KIFC1: variants seen among roughly 807,000 people sequenced by gnomAD.
The protein encoded by KIFC1 is kinesin family member C1.
Under a neutral mutation model 66.6 loss-of-function variants are expected in KIFC1, and 37 were observed. The ratio of observed to expected loss-of-function variants is 0.56; its 90% CI spans 0.43 to 0.73. KIFC1 has a LOEUF of 0.73. KIFC1 is among the 30% of genes least tolerant of loss of function. KIFC1 has a pLI of 0.00. For missense variants in KIFC1, 721 were observed against 859.8 expected, an observed-to-expected ratio of 0.84 and a Z score of 2.02; for synonymous variants, 325 against 343.5, an observed-to-expected ratio of 0.95 and a Z score of 0.60.
At position 33,391,992 on chromosome 6, in the gene KIFC1, C is replaced by A. The variant is rs1399208164; in HGVS notation, c.7C>A (p.Pro3Thr). Residue 3 changes from proline to threonine, a missense_variant, in exon 1 of 11, where the codon CCG (proline) becomes ACG (threonine). Transcript: ENST00000428849. MD[P>T]QRSPLLEVKG... ...GTGTGGGACCGAGGTGGACATGGAT[C>A]CGCAGGTGAGTAGGGGCGGCGCAGG... 1.9e-6 allele frequency: 3 copies of A among 1,613,850 alleles called. No homozygotes were observed. Among genetic ancestry groups the A allele is most frequent in the Non-Finnish European group, 2.5e-6 (3 of 1,179,956 alleles).
chr6:33,399,935 A>G (rs1775291367), intron 3 of KIFC1: 1 of 565,166 alleles, frequency 1.8e-6, no homozygotes, highest in Non-Finnish European at 3.1e-6. Flanking sequence ...TAACTATTTT[A>G]CTTTATAAAC....
intron 3 of KIFC1, among the ~76,000 whole-genome samples, chr6:33,399,553 C>T (rs543183050): frequency 5.4e-4 from 82 of 152,294 alleles, no homozygotes; most frequent in African/African-American, 1.8e-3. Context: ...TGCTACACAC[C>T]TAGGCTATCT....
In KIFC1 at chr6:33,405,418, C is replaced by T; in HGVS notation, c.1323C>T (p.Leu441=). The T allele has an allele frequency of 6.2e-7, 1 of 1,604,918 alleles. No homozygotes were observed. The highest frequency in any genetic ancestry group is 1.1e-5 in the South Asian group (1 of 90,120). ...EGLIPRALRH[L]FSVAQELSGQ... ...TGATCCCTCGGGCCCTGCGGCACCT[C>T]TTCTCTGTGGCTCAGGAGCTGAGTG... Residue 441 remains leucine, a synonymous_variant, in exon 7 of 11, where the codon CTC becomes CTT. Coordinates refer to ENST00000428849, the MANE Select transcript of KIFC1 (RefSeq NM_002263.4). This position sits in a 1 kb window ranked among gnomAD's most constrained non-coding sequence, Gnocchi z 5.4.
intron 3 of KIFC1, among the ~76,000 whole-genome samples, chr6:33,399,907 A>G (rs780807359): frequency 3.9e-5 from 6 of 152,246 alleles, no homozygotes; most frequent in Non-Finnish European, 8.8e-5. Flanking sequence ...TTTATAATAA[A>G]TTAACCTTAG....
rs1410650830 is a variant in KIFC1 at position 33,404,060 on chromosome 6, G to A, written c.687G>A (p.Glu229=). ...RLSTQEGLVQ[E]LQKKQVELQE... ...GCACGCAGGAGGGCTTGGTGCAAGA[G>A]CTTCAGAAAAAACAGGTGGAATTGC... Residue 229 remains glutamate, a synonymous_variant, in exon 6 of 11, where the codon GAG becomes GAA. Coordinates refer to ENST00000428849, the MANE Select transcript of KIFC1 (RefSeq NM_002263.4). The surrounding 1 kb of genome is among the most constrained non-coding windows in gnomAD (Gnocchi z 4.0). The A allele has an allele frequency of 6.2e-7, 1 of 1,613,980 alleles. No individual in the cohort carries two copies. Among genetic ancestry groups the A allele is most frequent in the African/African-American group, 1.3e-5 (1 of 74,912 alleles).
In KIFC1 at chr6:33,404,951, C is replaced by G. The variant is rs562615563; in HGVS notation, c.856C>G (p.Arg286Gly). The G allele has an allele frequency of 2.5e-6, 4 of 1,613,956 alleles. No homozygotes were observed. The African/African-American group carries it at 4.0e-5, about 16-fold the overall frequency. Residue 286 changes from arginine (R) to glycine (G), a missense_variant, in exon 7 of 11, where the codon CGG becomes GGG. Arg to Gly is a moderately radical substitution (Grantham distance 125). Coordinates refer to ENST00000428849, the MANE Select transcript of KIFC1 (RefSeq NM_002263.4). This position sits in a 1 kb window ranked among gnomAD's most constrained non-coding sequence, Gnocchi z 4.0. ...TVAQAALLTE[R>G]EERLHGLEME... ...GGCCCAGGCAGCCTTACTGACTGAG[C>G]GGGAAGAACGTCTTCATGGGCTAGA...
intron 10 of KIFC1, among the ~76,000 whole-genome samples, chr6:33,408,753 G>A (rs1775763701): frequency 6.6e-6 from 1 of 152,130 alleles, no homozygotes; most frequent in Non-Finnish European, 1.5e-5. Flanking sequence ...TGCCCAGACT[G>A]GAATTCAGTG....
rs1359690642 is a variant in KIFC1, at chr6:33,401,503, A to T, written c.251-1811A>T. ...TCCAAGAAATAAGCTTAAATTTGAA[A>T]AATTTTAAATATTATTTTGCTTTTC... On this transcript the variant is annotated intron_variant, in intron 3 of 10. Transcript: ENST00000428849. This position sits in a 1 kb window ranked among gnomAD's most constrained non-coding sequence, Gnocchi z 4.5. Among the ~76,000 whole-genome samples, 1 of 152,188 alleles carries T rather than the reference A, an allele frequency of 6.6e-6. No homozygotes were observed. The highest frequency in any genetic ancestry group is 1.5e-5 in the Non-Finnish European group (1 of 68,028).
At position 33,401,738 on chromosome 6, in the gene KIFC1, G is replaced by A. The variant is rs1775384770; in HGVS notation, c.251-1576G>A. Among the ~76,000 whole-genome samples, 1 of 147,022 alleles carries A rather than the reference G, an allele frequency of 6.8e-6. No individual in the cohort carries two copies. The highest frequency in any genetic ancestry group is 6.8e-5 in the Admixed American group (1 of 14,618). On this transcript the variant is annotated intron_variant, in intron 3 of 10. Transcript: ENST00000428849. The surrounding 1 kb of genome is among the most constrained non-coding windows in gnomAD (Gnocchi z 4.5). Reference sequence around the variant, plus strand: ...TTTTTTTGAGACGGAGTCTCGCACTGTCGCCCAGGCTAGAGTGCAGTGGCA... The same window carrying A: ...TTTTTTTGAGACGGAGTCTCGCACTATCGCCCAGGCTAGAGTGCAGTGGCA...
Position 33,391,833 on chromosome 6 carries a change from A to G in KIFC1, c.-153A>G. 1 of 867,040 alleles carries G rather than the reference A, an allele frequency of 1.2e-6. No homozygotes were observed. Among genetic ancestry groups the G allele is most frequent in the Non-Finnish European group, 1.8e-6 (1 of 544,848 alleles). The allele number at this position is 867,040 out of a possible 1,614,324, so 53.7% of individuals were successfully genotyped here. A position where few individuals can be genotyped will look rare whatever the true frequency, so the allele number is the denominator to read the frequency against. On this transcript the variant is annotated 5_prime_UTR_variant, in exon 1 of 11. Transcript: ENST00000428849. ...TGGGTGGTGGCCGTTGGAATTCAAA[A>G]GTGGCGGGTGTGGCGCGGGGCTGGT...
intron 1 of KIFC1, among the ~76,000 whole-genome samples, chr6:33,396,596 T>C (rs1775053777): frequency 6.6e-6 from 1 of 151,430 alleles, no homozygotes; most frequent in Admixed American, 6.6e-5. Context: ...GCAAATGTCA[T>C]CTGGTTCGCT....
chr6:33,409,798 G>A lies in KIFC1; in HGVS notation c.*108G>A, dbSNP rs999445887. 4.4e-5 allele frequency: 55 copies of A among 1,238,180 alleles called. No homozygotes were observed. Among genetic ancestry groups the A allele is most frequent in the Non-Finnish European group, 5.4e-5 (47 of 862,644 alleles). 76.7% of individuals were successfully genotyped at this position (1,238,180 alleles called of 1,614,324 possible). A position where few individuals can be genotyped will look rare whatever the true frequency, so the allele number is the denominator to read the frequency against. ...GGTGAGGGGTGGGAGGGTTGCTGGA[G>A]GGTGCTTTATTGGGTGGAGGGCACC... On this transcript the variant is annotated 3_prime_UTR_variant, in exon 11 of 11. Transcript: ENST00000428849.
In KIFC1 at chr6:33,403,459, C is replaced by A; in HGVS notation, c.305-26C>A. ...GTGGAGGGACACTGGTCCTGTAATT[C>A]CTAAGTCACCTCCTCAATTCTGTAG... On this transcript the variant is annotated intron_variant, in intron 4 of 10. Coordinates refer to ENST00000428849, the MANE Select transcript of KIFC1 (RefSeq NM_002263.4). This position sits in a 1 kb window ranked among gnomAD's most constrained non-coding sequence, Gnocchi z 4.6. 1 of 1,613,424 alleles carries A rather than the reference C, an allele frequency of 6.2e-7. No individual in the cohort carries two copies. Among genetic ancestry groups the A allele is most frequent in the Non-Finnish European group, 8.5e-7 (1 of 1,179,354 alleles).
At chr6:33,409,381 G>A (rs1340020111) in intron 10 of KIFC1, among the ~76,000 whole-genome samples, 2 of 152,112 alleles carry the variant, frequency 1.3e-5, no homozygotes, top group Non-Finnish European at 1.5e-5. Context: ...CTCTAGTACA[G>A]GGTATTGCTG....
chr6:33,404,788 A>C lies in KIFC1; in HGVS notation c.757-64A>C. The C allele has an allele frequency of 6.7e-7, 1 of 1,488,390 alleles. No individual in the cohort carries two copies. 92.2% of individuals were successfully genotyped at this position (1,488,390 alleles called of 1,614,324 possible). On this transcript the variant is annotated intron_variant, in intron 6 of 10. Transcript: ENST00000428849. The surrounding 1 kb of genome is among the most constrained non-coding windows in gnomAD (Gnocchi z 4.0). ...CACTTCCACCCACTCCATACGCCCC[A>C]CAGTTTGTTCTTCTTCTTGGTTGCA...
chr6:33,403,257 T>C lies in KIFC1; in HGVS notation c.251-57T>C, dbSNP rs1775466479. On this transcript the variant is annotated intron_variant, in intron 3 of 10. Coordinates refer to ENST00000428849, the MANE Select transcript of KIFC1 (RefSeq NM_002263.4). This position sits in a 1 kb window ranked among gnomAD's most constrained non-coding sequence, Gnocchi z 4.6. ...TCTTCTGCCCCTGTCCTAGCAAGTGTACATGCCATCTTAAGAATGATCATT... is the reference window on the plus strand; with the variant it reads ...TCTTCTGCCCCTGTCCTAGCAAGTGCACATGCCATCTTAAGAATGATCATT... 1.4e-6 allele frequency: 2 copies of C among 1,475,336 alleles called. No individual in the cohort carries two copies. The highest frequency in any genetic ancestry group is 3.3e-5 in the Admixed American group (2 of 59,816). The allele number at this position is 1,475,336 out of a possible 1,614,324, so 91.4% of individuals were successfully genotyped here. A position where few individuals can be genotyped will look rare whatever the true frequency, so the allele number is the denominator to read the frequency against.
Position 33,404,368 on chromosome 6 carries a change from G to C in KIFC1, c.756+239G>C, listed in dbSNP as rs1051928673. Among the ~76,000 whole-genome samples, 3 of 152,140 alleles carry C rather than the reference G, an allele frequency of 2.0e-5. No homozygotes were observed. Among genetic ancestry groups the C allele is most frequent in the Non-Finnish European group, 4.4e-5 (3 of 68,028 alleles). ...TGACTGTTTGCAAAGCTCTCATTTA[G>C]ATCTGTGTCTTTCTTAGTCCTCCAT... On this transcript the variant is annotated intron_variant, in intron 6 of 10. Transcript: ENST00000428849. This position sits in a 1 kb window ranked among gnomAD's most constrained non-coding sequence, Gnocchi z 4.0.
Position 33,409,754 on chromosome 6 carries a change from T to A in KIFC1, c.*64T>A. On this transcript the variant is annotated 3_prime_UTR_variant, in exon 11 of 11. Transcript: ENST00000428849. Reference sequence around the variant, plus strand: ...GTGTGTGTGTGTGTGTGTGTGTGTGTCCCTATGTCTATGTATCGGGTGAGG... The same window carrying A: ...GTGTGTGTGTGTGTGTGTGTGTGTGACCCTATGTCTATGTATCGGGTGAGG... 1 of 1,342,942 alleles carries A rather than the reference T, an allele frequency of 7.4e-7. No individual in the cohort carries two copies. Among genetic ancestry groups the A allele is most frequent in the Admixed American group, 1.7e-5 (1 of 57,490 alleles). The allele number at this position is 1,342,942 out of a possible 1,614,324, so 83.2% of individuals were successfully genotyped here.
chr6:33,398,357 A>G lies in KIFC1; in HGVS notation c.220A>G (p.Thr74Ala). 6.2e-7 allele frequency: 1 copy of G among 1,614,026 alleles called. No individual in the cohort carries two copies. The highest frequency in any genetic ancestry group is 8.5e-7 in the Non-Finnish European group (1 of 1,179,922). ...TSHPRVPSLT[T>A]VPQTQGQTTA... is the part of the protein sequence containing the mutation. Reference sequence around the variant, plus strand: ...CCACCCAAGAGTTCCATCCCTCACTACAGTGCCACAGACACAAGGCCAGAC... The same window carrying G: ...CCACCCAAGAGTTCCATCCCTCACTGCAGTGCCACAGACACAAGGCCAGAC... Residue 74 changes from threonine to alanine, a missense_variant, in exon 3 of 11, where the codon ACA becomes GCA. Thr to Ala is a moderately conservative substitution (Grantham distance 58, BLOSUM62 0). Transcript: ENST00000428849.
Sources: gnomAD v4.1 joint callset for allele counts (sites outside exome capture counted in the v4.1 genomes callset) on GRCh38, gnomAD v4.1.1 for gene constraint, Gnocchi (gnomAD v3.1) non-coding constraint, MANE v1.5 for transcripts, NCBI Gene and HGNC (gene_info 2026-07-23, HGNC 2026-07-21) for gene names.